PTTG1IP: variants seen among roughly 807,000 people sequenced by gnomAD.
PTTG1IP encodes pituitary tumor-transforming gene 1 protein-interacting protein.
Under a neutral mutation model 24.4 loss-of-function variants are expected in PTTG1IP, and 16 were observed. The ratio of observed to expected loss-of-function variants is 0.66; its 90% CI spans 0.44 to 1.00. The LOEUF (loss-of-function observed/expected upper bound fraction) is 1.00. Among genes scored for constraint, PTTG1IP ranks in the 50% least tolerant of loss-of-function variants. The pLI is 0.00. For missense variants in PTTG1IP, 241 were observed against 245.8 expected, an observed-to-expected ratio of 0.98 and a Z score of 0.13; for synonymous variants, 89 against 96.8, an observed-to-expected ratio of 0.92 and a Z score of 0.47.
chr21:44,851,558 C>T lies in PTTG1IP; in HGVS notation c.*23G>A. ...GGAGCGTGCACCTCACAGGAAGCGT[C>T]GGGACTGATGTGCTGGAGCGCTTTA... On this transcript the variant is annotated 3_prime_UTR_variant, in exon 6 of 6. Transcript: ENST00000330938. 1.9e-6 allele frequency: 3 copies of T among 1,612,578 alleles called. No homozygotes were observed. Among genetic ancestry groups the T allele is most frequent in the East Asian group, 2.2e-5 (1 of 44,818 alleles).
chr21:44,866,679 T>TC (rs2083543963), intron 1 of PTTG1IP, among the ~76,000 whole-genome samples: 2 of 87,386 alleles, frequency 2.3e-5, no homozygotes, highest in African/African-American at 7.5e-5. Flanking sequence ...TCCAATCCCA[T>TC]AACACACACA....
intron 1 of PTTG1IP, among the ~76,000 whole-genome samples, chr21:44,870,058 G>T (rs570753234): frequency 3.3e-5 from 5 of 152,326 alleles, no homozygotes; most frequent in African/African-American, 1.2e-4. Flanking sequence ...GTCTGAGTCA[G>T]CGGAGAGGCA....
intron 3 of PTTG1IP, among the ~76,000 whole-genome samples, chr21:44,856,851 G>A (rs2083453486): frequency 6.6e-6 from 1 of 152,108 alleles, no homozygotes; most frequent in African/African-American, 2.4e-5. Context: ...TAGACTCTCA[G>A]GGCACATACT....
At chr21:44,863,743 G>A (rs920754332) in intron 2 of PTTG1IP, among the ~76,000 whole-genome samples, 2 of 152,224 alleles carry the variant, frequency 1.3e-5, no homozygotes, top group African/African-American at 4.8e-5. Flanking sequence ...AGGACCAGGC[G>A]CATTAGAGCA....
chr21:44,856,468 A>G (rs1415964002), intron 3 of PTTG1IP, 104 bp from the exon 4 acceptor site: 8 of 1,316,202 alleles, frequency 6.1e-6, no homozygotes, highest in East Asian at 4.9e-5. Context: ...ACACAGGAGC[A>G]TAAGGAGGAA....
chr21:44,873,625 G>A lies in PTTG1IP; in HGVS notation c.-9C>T, dbSNP rs2083609231. On this transcript the variant is annotated 5_prime_UTR_variant, in exon 1 of 6. Transcript: ENST00000330938. ...GCCACTCCGGGCGCCATGGTCGGCCGGTCGCTCTATCAGTCAGTGGAGCGT... is the reference window on the plus strand; with the variant it reads ...GCCACTCCGGGCGCCATGGTCGGCCAGTCGCTCTATCAGTCAGTGGAGCGT... The A allele has an allele frequency of 7.0e-6, 10 of 1,420,840 alleles. No homozygotes were observed. The highest frequency in any genetic ancestry group is 3.0e-5 in the East Asian group (1 of 32,840). The allele number at this position is 1,420,840 out of a possible 1,614,324, so 88.0% of individuals were successfully genotyped here. A position where few individuals can be genotyped will look rare whatever the true frequency, so the allele number is the denominator to read the frequency against.
chr21:44,853,911 T>C (rs1242176617), intron 5 of PTTG1IP, among the ~76,000 whole-genome samples: 2 of 152,106 alleles, frequency 1.3e-5, no homozygotes, highest in African/African-American at 4.8e-5. Flanking sequence ...AAGCCGACAC[T>C]TCGAGACCGG....
chr21:44,868,878 T>C (rs540461983), intron 1 of PTTG1IP, among the ~76,000 whole-genome samples: 25 of 152,242 alleles, frequency 1.6e-4, no homozygotes, highest in African/African-American at 4.6e-4. Flanking sequence ...ACTGACAAGA[T>C]AGTCTCAAAG....
At chr21:44,866,049 C>A (rs2083533848) in intron 1 of PTTG1IP, among the ~76,000 whole-genome samples, 1 of 152,044 alleles carries the variant, frequency 6.6e-6, no homozygotes, top group Non-Finnish European at 1.5e-5. Context: ...ACACAGAACA[C>A]CCTGAGACTC....
At chr21:44,859,361 T>C (rs560090814) in intron 3 of PTTG1IP, among the ~76,000 whole-genome samples, 2 of 152,328 alleles carry the variant, frequency 1.3e-5, no homozygotes, top group East Asian at 3.9e-4. Context: ...CCTGTATACG[T>C]ATGCAAAAAT....
chr21:44,862,583 A>G (rs1310402755), intron 2 of PTTG1IP, among the ~76,000 whole-genome samples: 1 of 152,170 alleles, frequency 6.6e-6, no homozygotes, highest in African/African-American at 2.4e-5. Flanking sequence ...GTCCAGACCC[A>G]AGTCCAGACT....
At chr21:44,853,233 T>C (rs1459124521) in intron 5 of PTTG1IP, among the ~76,000 whole-genome samples, 1 of 152,084 alleles carries the variant, frequency 6.6e-6, no homozygotes, top group African/African-American at 2.4e-5. Flanking sequence ...TCTGGCTGGG[T>C]GTGGTGGCTC....
chr21:44,871,539 G>C (rs182459406), intron 1 of PTTG1IP, among the ~76,000 whole-genome samples: 1 of 152,158 alleles, frequency 6.6e-6, no homozygotes, highest in African/African-American at 2.4e-5. Context: ...CACATAAAAA[G>C]ATGCTTAAAA....
intron 3 of PTTG1IP, among the ~76,000 whole-genome samples, chr21:44,860,620 C>T (rs555738767): frequency 7.9e-4 from 121 of 152,246 alleles, no homozygotes; most frequent in Non-Finnish European, 1.3e-3. Flanking sequence ...CTTTTCCCCA[C>T]ACCTTCTGTA....
chr21:44,872,670 G>A lies in PTTG1IP; in HGVS notation c.115+832C>T, dbSNP rs188221908. ...CAGGAAGCCACCCTCTATAAACACTGCCGGTTTCTGGAACTCTGAGTCTCC... is the reference window on the plus strand; with the variant it reads ...CAGGAAGCCACCCTCTATAAACACTACCGGTTTCTGGAACTCTGAGTCTCC... On this transcript the variant is annotated intron_variant, in intron 1 of 5. Coordinates refer to ENST00000330938, the MANE Select transcript of PTTG1IP (RefSeq NM_004339.4). 1.4e-3 allele frequency among the ~76,000 whole-genome samples: 206 copies of A among 152,246 alleles called. 1 individual carries two copies. The highest frequency in any genetic ancestry group is 2.4e-3 in the Non-Finnish European group (162 of 68,024).
In PTTG1IP at chr21:44,851,447, C is replaced by T. The variant is rs773362459; in HGVS notation, c.*134G>A. The stretch of plus-strand genomic sequence containing the variant: ...CTGTCCTTCAGGGGCAGCTCTCCGG[C>T]CGCCTGTCCTGGAAGGCTGGCAGGT... On this transcript the variant is annotated 3_prime_UTR_variant, in exon 6 of 6. Coordinates refer to ENST00000330938, the MANE Select transcript of PTTG1IP (RefSeq NM_004339.4). 1 of 1,606,346 alleles carries T rather than the reference C, an allele frequency of 6.2e-7. No individual in the cohort carries two copies. The highest frequency in any genetic ancestry group is 1.7e-5 in the Admixed American group (1 of 59,626).
At chr21:44,857,482 A>G (rs1418567020) in intron 3 of PTTG1IP, among the ~76,000 whole-genome samples, 1 of 152,224 alleles carries the variant, frequency 6.6e-6, no homozygotes, top group East Asian at 1.9e-4. Context: ...GCAAGACACC[A>G]TCTTGAAACA....
chr21:44,865,306 A>G (rs1260753894), intron 2 of PTTG1IP, 89 bp downstream of exon 2: 1 of 1,330,536 alleles, frequency 7.5e-7, no homozygotes, highest in South Asian at 1.2e-5. Context: ...CCCTCCACAC[A>G]TCCCAGCGAA....
At position 44,854,002 on chromosome 21, in the gene PTTG1IP, C is replaced by T. The variant is rs149423972; in HGVS notation, c.496+1208G>A. On this transcript the variant is annotated intron_variant, in intron 5 of 5. Coordinates refer to ENST00000330938, the MANE Select transcript of PTTG1IP (RefSeq NM_004339.4). ...GAGGCCAGAACTGACAGGGAGGGGA[C>T]GTCCCGGCCAGTGGGCAGAGCCACC... Among the ~76,000 whole-genome samples, 172 of 152,288 alleles carry T rather than the reference C, an allele frequency of 1.1e-3. 1 individual carries two copies. Among genetic ancestry groups the T allele is most frequent in the African/African-American group, 4.1e-3 (171 of 41,564 alleles).
Sources: allele counts gnomAD v4.1 joint callset (sites outside exome capture counted in the v4.1 genomes callset), GRCh38; gene constraint gnomAD v4.1.1; transcripts MANE v1.5; gene names NCBI Gene and HGNC (gene_info 2026-07-23, HGNC 2026-07-21).